Variants in MYO10 observed in about 807,000 individuals in gnomAD.
MYO10 encodes myosin X.
MYO10 carries 133 observed loss-of-function variants against 257.3 expected under a neutral mutation model. The observed-to-expected ratio is 0.52, with a 90% CI of 0.45 to 0.60. The LOEUF is 0.60. MYO10 is among the 20% of genes least tolerant of loss of function. MYO10 has a pLI of 0.00. For synonymous variants in MYO10, 1,104 were observed against 1,028.6 expected (o/e 1.07, Z -1.40); for missense variants, 2,399 against 2,635.7 (o/e 0.91, Z 1.97).
chr5:16,886,043 A>G (rs2126769402), intron 1 of MYO10, among the ~76,000 whole-genome samples: 1 of 152,330 alleles, frequency 6.6e-6, no homozygotes, highest in South Asian at 2.1e-4. Context: ...TTGAGACTAC[A>G]GGGTTTTAAA....
At chr5:16,935,156 G>T (rs981600813) in intron 1 of MYO10, among the ~76,000 whole-genome samples, 2 of 152,134 alleles carry the variant, frequency 1.3e-5, no homozygotes, top group Non-Finnish European at 2.9e-5. Flanking sequence ...TGCCCTAAAC[G>T]AATTTTCTTT....
intron 1 of MYO10, among the ~76,000 whole-genome samples, chr5:16,924,169 C>G (rs10068690): frequency 0.4 from 60,082 of 152,070 alleles, 12,165 homozygotes; most frequent in Middle Eastern, 0.49. Context: ...ACAGCCTAGT[C>G]CCTTGAGTGT....
At chr5:16,898,994 G>T (rs924023486) in intron 1 of MYO10, among the ~76,000 whole-genome samples, 5 of 145,070 alleles carry the variant, frequency 3.4e-5, no homozygotes, top group African/African-American at 1.0e-4. Context: ...AATTAGCTGG[G>T]CATGGCGGTG....
At chr5:16,686,782 C>T (rs1737273644) in intron 28 of MYO10, among the ~76,000 whole-genome samples, 1 of 152,128 alleles carries the variant, frequency 6.6e-6, no homozygotes, top group Admixed American at 6.5e-5. Flanking sequence ...CTACCTCGGC[C>T]TCCCAAAGTG....
chr5:16,896,990 G>A (rs894703192), intron 1 of MYO10, among the ~76,000 whole-genome samples: 2 of 152,098 alleles, frequency 1.3e-5, no homozygotes, highest in African/African-American at 2.4e-5. Context: ...GAGGGAGGAC[G>A]GGAAGGCAGA....
intron 1 of MYO10, among the ~76,000 whole-genome samples, chr5:16,913,493 T>G (rs1188723755): frequency 6.6e-6 from 1 of 152,208 alleles, no homozygotes; most frequent in African/African-American, 2.4e-5. Context: ...TCGCAGAATT[T>G]CCTTCTTCTC....
At position 16,904,696 on chromosome 5, in the gene MYO10, G is replaced by A. The variant is rs973868067; in HGVS notation, c.22-26989C>T. Reference sequence around the variant, plus strand: ...TGTAATCCCAGCACTTTGGGAGGCCGAGGCGGGCAGATCAAGAAGTCAGGA... The same window carrying A: ...TGTAATCCCAGCACTTTGGGAGGCCAAGGCGGGCAGATCAAGAAGTCAGGA... On this transcript the variant is annotated intron_variant, in intron 1 of 40. Transcript: ENST00000513610. Among the ~76,000 whole-genome samples the A allele has an allele frequency of 3.9e-5, 6 of 152,152 alleles. No homozygotes were observed. In the East Asian group the frequency reaches 5.8e-4, roughly 15 times the overall value.
At chr5:16,742,931 G>A (rs906440593) in intron 19 of MYO10, among the ~76,000 whole-genome samples, 9 of 151,982 alleles carry the variant, frequency 5.9e-5, no homozygotes, top group African/African-American at 2.2e-4. Flanking sequence ...GACTAGCCTG[G>A]AGAGCATGGA....
chr5:16,767,868 G>A (rs1740925013), intron 10 of MYO10, among the ~76,000 whole-genome samples: 1 of 151,976 alleles, frequency 6.6e-6, no homozygotes, highest in Admixed American at 6.6e-5. Flanking sequence ...AGTAGAGACG[G>A]GGTTTCACCA....
intron 22 of MYO10, among the ~76,000 whole-genome samples, chr5:16,704,151 C>T (rs996535460): frequency 6.6e-5 from 10 of 151,740 alleles, no homozygotes; most frequent in African/African-American, 2.4e-4. Flanking sequence ...AGTGACCCAT[C>T]TCTAAAAAAA....
At position 16,680,070 on chromosome 5, in the gene MYO10, G is replaced by A; in HGVS notation, c.4419C>T (p.His1473=). 2.5e-6 allele frequency: 4 copies of A among 1,612,928 alleles called. No homozygotes were observed. Among genetic ancestry groups the A allele is most frequent in the East Asian group, 2.2e-5 (1 of 44,804 alleles). ...GCAGCTTGGTGTAGAGCCGGTAACA[G>A]TGCTTGCGCCCGTACACGGTGACGT... The part of the protein sequence containing the change: ...YWNVTVYGRK[H]CYRLYTKLLN... Residue 1473 remains histidine, a synonymous_variant, in exon 33 of 41, where the codon CAC becomes CAT. Coordinates refer to ENST00000513610, the MANE Select transcript of MYO10 (RefSeq NM_012334.3).
chr5:16,915,622 C>T (rs1432429394), intron 1 of MYO10, among the ~76,000 whole-genome samples: 2 of 152,226 alleles, frequency 1.3e-5, no homozygotes, highest in Non-Finnish European at 2.9e-5. Flanking sequence ...ATTCCATCAA[C>T]AGTGGTCTTC....
At chr5:16,785,114 G>A (rs564198118) in intron 4 of MYO10, among the ~76,000 whole-genome samples, 1 of 152,322 alleles carries the variant, frequency 6.6e-6, no homozygotes, top group South Asian at 2.1e-4. Flanking sequence ...AAAATCAGAG[G>A]CAAGCCCAGC....
intron 3 of MYO10, among the ~76,000 whole-genome samples, chr5:16,800,189 T>A (rs1049638677): frequency 3.9e-5 from 6 of 152,156 alleles, no homozygotes; most frequent in African/African-American, 1.4e-4. Context: ...ATAAAATGCA[T>A]GCTTCATCTG....
chr5:16,717,229 TC>T (rs1180813620), intron 19 of MYO10, among the ~76,000 whole-genome samples: 6 of 152,340 alleles, frequency 3.9e-5, no homozygotes, highest in Admixed American at 6.5e-5. Flanking sequence ...TAAATCAAAC[TC>T]GTATGCATCA....
In MYO10 at chr5:16,692,706, G is replaced by A. The variant is rs115887771; in HGVS notation, c.3800+1665C>T. On this transcript the variant is annotated intron_variant, in intron 27 of 40. Transcript: ENST00000513610. ...CCACCGAAAGCTCTGGAATAAGTCC[G>A]TGGTTTATTATATTCTTCCACCCAC... is the stretch of plus-strand genomic sequence containing the variant. Among the ~76,000 whole-genome samples, 31 of 152,244 alleles carry A rather than the reference G, an allele frequency of 2.0e-4. No homozygotes were observed. The South Asian group carries it at 2.7e-3, about 13-fold the overall frequency.
At chr5:16,732,507 A>G (rs1050276718) in intron 19 of MYO10, among the ~76,000 whole-genome samples, 8 of 152,228 alleles carry the variant, frequency 5.3e-5, no homozygotes, top group African/African-American at 1.9e-4. Flanking sequence ...TGAACAGGTC[A>G]TCAGCTCCTT....
At chr5:16,823,632 C>A (rs1308860777) in intron 2 of MYO10, among the ~76,000 whole-genome samples, 2 of 150,582 alleles carry the variant, frequency 1.3e-5, no homozygotes, top group African/African-American at 4.9e-5. Context: ...CCACCACGCC[C>A]AGCTCATTTT....
intron 29 of MYO10, among the ~76,000 whole-genome samples, chr5:16,684,158 T>C (rs1355432816): frequency 6.6e-6 from 1 of 152,252 alleles, no homozygotes; most frequent in East Asian, 1.9e-4. Flanking sequence ...AATTACAAGT[T>C]AATCATTACC....
Sources: gnomAD v4.1 joint callset for allele counts (sites outside exome capture counted in the v4.1 genomes callset) on GRCh38, gnomAD v4.1.1 for gene constraint, MANE v1.5 for transcripts, NCBI Gene and HGNC (gene_info 2026-07-23, HGNC 2026-07-21) for gene names.